The following ATXN8OS variants were observed in gnomAD, a reference collection of about 807,000 sequenced individuals.
ATXN8OS encodes the protein ATXN8 opposite strand lncRNA, also known as ATXN8 opposite strand (non-protein coding).
Position 70,169,807 on chromosome 13 carries a change from G to C in ATXN8OS, n.628G>C, listed in dbSNP as rs75078398. Among the ~76,000 whole-genome samples the C allele has an allele frequency of 3.4e-3, 512 of 152,110 alleles. 4 individuals are homozygous for C. Among genetic ancestry groups the C allele is most frequent in the African/African-American group, 0.011 (450 of 41,526 alleles). On this transcript the variant is annotated non_coding_transcript_exon_variant, in exon 5 of 5. Transcript: ENST00000678624. ...TCCAGAGATCTGCCTACAGTCACTG[G>C]CTGGCTAATGTGAGAAGATTAAGTC...
At chr13:70,120,316 A>G (rs561115866) in intron 2 of ATXN8OS, among the ~76,000 whole-genome samples, 3 of 152,310 alleles carry the variant, frequency 2.0e-5, no homozygotes, top group East Asian at 3.9e-4. Context: ...TATACAAAAA[A>G]TAGAGAATCA....
chr13:70,114,280 C>A (rs903859345), intron 1 of ATXN8OS, among the ~76,000 whole-genome samples: 9 of 152,126 alleles, frequency 5.9e-5, no homozygotes, highest in Non-Finnish European at 1.0e-4. Flanking sequence ...CTGTCTCCTG[C>A]AAATGTGGTG....
At chr13:70,166,562 C>T (rs1431206392) in intron 4 of ATXN8OS, among the ~76,000 whole-genome samples, 1 of 152,014 alleles carries the variant, frequency 6.6e-6, no homozygotes, top group Non-Finnish European at 1.5e-5. Context: ...CATAAAAACC[C>T]TAGAAGAAAA....
chr13:70,164,859 A>G lies in ATXN8OS; in HGVS notation n.574-4894A>G, dbSNP rs74239705. Among the ~76,000 whole-genome samples, 225 of 152,200 alleles carry G rather than the reference A, an allele frequency of 1.5e-3. 3 individuals are homozygous for G. In the East Asian group the frequency reaches 0.038, roughly 26 times the overall value. On this transcript the variant is annotated intron_variant and non_coding_transcript_variant, in intron 4 of 4. Transcript: ENST00000678624. ...TTCCTATATTCAACTATGTGCAATA[A>G]CTGAAAATAAAAGAATTGTGGAAAA...
intron 3 of ATXN8OS, among the ~76,000 whole-genome samples, chr13:70,131,722 G>A (rs1024347875): frequency 7.3e-5 from 11 of 151,710 alleles, no homozygotes; most frequent in African/African-American, 2.7e-4. Flanking sequence ...ACCTCCCTCT[G>A]TCTTTCCTTC....
At chr13:70,161,631 A>G (rs189107573) in intron 4 of ATXN8OS, among the ~76,000 whole-genome samples, 104 of 152,218 alleles carry the variant, frequency 6.8e-4, no homozygotes, top group African/African-American at 2.4e-3. Flanking sequence ...AACACACTAA[A>G]TAATTATTTG....
At chr13:70,109,629 G>A (rs1416226513) in intron 1 of ATXN8OS, among the ~76,000 whole-genome samples, 1 of 152,162 alleles carries the variant, frequency 6.6e-6, no homozygotes, top group East Asian at 1.9e-4. Flanking sequence ...ATTGATTTAT[G>A]CCACAACAGC....
At chr13:70,112,124 G>C (rs914288138) in intron 1 of ATXN8OS, among the ~76,000 whole-genome samples, 3 of 152,128 alleles carry the variant, frequency 2.0e-5, no homozygotes, top group East Asian at 1.9e-4. Context: ...AGGAAGAAGA[G>C]AGAGCTAATG....
intron 3 of ATXN8OS, among the ~76,000 whole-genome samples, chr13:70,144,032 T>C (rs946840215): frequency 2.6e-5 from 4 of 152,266 alleles, no homozygotes; most frequent in African/African-American, 9.6e-5. Context: ...AATAAAACTG[T>C]CACAGAATGG....
At chr13:70,116,304 T>C (rs548628995) in intron 2 of ATXN8OS, among the ~76,000 whole-genome samples, 1 of 152,096 alleles carries the variant, frequency 6.6e-6, no homozygotes, top group East Asian at 1.9e-4. Flanking sequence ...ATGGAAGAAA[T>C]ACAGAGAGTT....
chr13:70,111,196 G>A (rs1888194855), intron 1 of ATXN8OS, among the ~76,000 whole-genome samples: 1 of 152,172 alleles, frequency 6.6e-6, no homozygotes, highest in African/African-American at 2.4e-5. Flanking sequence ...GGTGTAAAAT[G>A]TATCACACTG....
chr13:70,141,979 G>T lies in ATXN8OS; in HGVS notation n.500-5376G>T, dbSNP rs745632488. 5.9e-5 allele frequency among the ~76,000 whole-genome samples: 9 copies of T among 152,180 alleles called. No homozygotes were observed. In the East Asian group the frequency reaches 7.7e-4, roughly 13 times the overall value. On this transcript the variant is annotated intron_variant and non_coding_transcript_variant, in intron 3 of 4. Coordinates refer to ENST00000678624, the Ensembl canonical transcript of ATXN8OS. ...GCTCACTGCAACCTGCACCTCGCGG[G>T]TTCAAGCGATTTGCCTGCCTCAGAC...
exon 5 of ATXN8OS, among the ~76,000 whole-genome samples, chr13:70,171,652 C>T (rs930526400): frequency 3.3e-5 from 5 of 152,110 alleles, no homozygotes; most frequent in African/African-American, 1.2e-4. Flanking sequence ...GTGATGTGAA[C>T]GATGACTGTA....
intron 3 of ATXN8OS, among the ~76,000 whole-genome samples, chr13:70,142,315 G>A (rs548054592): frequency 6.6e-6 from 1 of 152,286 alleles, no homozygotes; most frequent in African/African-American, 2.4e-5. Context: ...CTGGGCTTTA[G>A]GCTAAAGCTT....
intron 3 of ATXN8OS, among the ~76,000 whole-genome samples, chr13:70,132,485 A>C (rs941150508): frequency 6.6e-6 from 1 of 151,914 alleles, no homozygotes; most frequent in African/African-American, 2.4e-5. Context: ...GATGGATTAA[A>C]AGGGCTGAAA....
intron 4 of ATXN8OS, among the ~76,000 whole-genome samples, chr13:70,149,054 T>C (rs1888827354): frequency 6.6e-6 from 1 of 152,140 alleles, no homozygotes; most frequent in African/African-American, 2.4e-5. Flanking sequence ...ACCCTCACAC[T>C]AGTTTTTGGT....
chr13:70,171,485 T>C (rs1161103782), exon 5 of ATXN8OS, among the ~76,000 whole-genome samples: 1 of 152,114 alleles, frequency 6.6e-6, no homozygotes, highest in Non-Finnish European at 1.5e-5. Flanking sequence ...TTAATAAGAC[T>C]CGTGGTGCAG....
Position 70,162,874 on chromosome 13 carries a change from C to A in ATXN8OS, n.574-6879C>A, listed in dbSNP as rs186057351. ...TTTTTAGATCTGGCAAACTAATTTT[C>A]TTTTCTGTTTAGTTTTTCATGAACT... On this transcript the variant is annotated intron_variant and non_coding_transcript_variant, in intron 4 of 4. Coordinates refer to ENST00000678624, the Ensembl canonical transcript of ATXN8OS. 8.9e-4 allele frequency among the ~76,000 whole-genome samples: 135 copies of A among 152,096 alleles called. 2 individuals carry two copies. The highest frequency in any genetic ancestry group is 1.5e-3 in the Non-Finnish European group (101 of 67,934).
intron 3 of ATXN8OS, among the ~76,000 whole-genome samples, chr13:70,137,067 C>A (rs1417191231): frequency 6.6e-6 from 1 of 152,100 alleles, no homozygotes; most frequent in Non-Finnish European, 1.5e-5. Context: ...CCTTGAAGAT[C>A]AACAATTTCA....
Sources: gnomAD v4.1 joint callset for allele counts (sites outside exome capture counted in the v4.1 genomes callset) on GRCh38, gnomAD v4.1.1 for gene constraint, MANE v1.5 for transcripts, NCBI Gene and HGNC (gene_info 2026-07-23, HGNC 2026-07-21) for gene names.